Variants in HECTD2 observed in about 807,000 individuals in gnomAD.
HECTD2 encodes the protein HECT domain E3 ubiquitin protein ligase 2.
A neutral mutation model predicts 103.2 loss-of-function variants in HECTD2; 35 were observed. The observed-to-expected ratio is 0.34, with a 90% confidence interval of 0.26 to 0.45. HECTD2 has a LOEUF of 0.45. Ranked by LOEUF, HECTD2 falls within the 20% of genes least tolerant of loss-of-function variation. The pLI is 1.00. For missense variants in HECTD2, 596 were observed against 937.4 expected, an observed-to-expected ratio of 0.64 and a Z score of 4.76; for synonymous variants, 281 against 329.9, an observed-to-expected ratio of 0.85 and a Z score of 1.61.
chr10:91,424,613 T>G (rs1282401698), intron 1 of HECTD2, among the ~76,000 whole-genome samples: 1 of 152,122 alleles, frequency 6.6e-6, no homozygotes, highest in East Asian at 1.9e-4. Context: ...AAATACTGAT[T>G]AATTAAATAA....
At chr10:91,481,282 G>T (rs1210212582) in intron 7 of HECTD2, 143 bp downstream of exon 7, 3 of 406,756 alleles carry the variant, frequency 7.4e-6, no homozygotes, top group Admixed American at 4.4e-5. Context: ...GTAACCAGAA[G>T]ATTTTTTTTA....
chr10:91,487,701 C>T lies in HECTD2; in HGVS notation c.1114C>T (p.Pro372Ser). 1 of 1,610,494 alleles carries T rather than the reference C, an allele frequency of 6.2e-7. No homozygotes were observed. Among genetic ancestry groups the T allele is most frequent in the Non-Finnish European group, 8.5e-7 (1 of 1,177,336 alleles). The change falls in exon 11 of 21, where the codon CCA becomes TCA. Residue 372 changes from proline to serine, a missense_variant. By Grantham distance (74) the Pro-to-Ser change is moderately conservative. This residue lies in a region of HECTD2 where 303 missense variants were observed against 522.5 expected (regional missense o/e 0.58). Transcript: ENST00000298068. The surrounding 1 kb of genome is among the most constrained non-coding windows in gnomAD (Gnocchi z 4.1). ...GAGCAGGTTTTCCTTCTGTCAGTAC[C>T]CATTCGTTATTTCTGTAGCTGCAAA... Reference protein sequence around the residue: ...NSHRFSFCQYPFVISVAAKKI... With the variant: ...NSHRFSFCQYSFVISVAAKKI...
chr10:91,474,788 G>A (rs1845846309), intron 5 of HECTD2, among the ~76,000 whole-genome samples: 1 of 152,236 alleles, frequency 6.6e-6, no homozygotes, highest in South Asian at 2.1e-4. Flanking sequence ...ATACTGATAA[G>A]TGCTTCGAGA....
chr10:91,481,294 A>G (rs573979014), intron 7 of HECTD2, among the ~76,000 whole-genome samples, 155 bp downstream of exon 7: 1 of 151,938 alleles, frequency 6.6e-6, no homozygotes, highest in Non-Finnish European at 1.5e-5. Context: ...TTTTTTTTAA[A>G]GTAGGATTAA....
intron 2 of HECTD2, 130 bp from the exon 3 acceptor site, chr10:91,460,297 C>CT (rs1185870544): frequency 2.4e-6 from 2 of 850,062 alleles, no homozygotes; most frequent in Admixed American, 2.8e-5. Context: ...GTTGGTTTTT[C>CT]TTTAATCTCA....
In HECTD2 at chr10:91,513,185, T is replaced by G. The variant is rs375546547; in HGVS notation, c.*801T>G. On this transcript the variant is annotated 3_prime_UTR_variant, in exon 21 of 21. Transcript: ENST00000298068. ...TCTGTAATATTTGTATAATGATCAT[T>G]TCTTCTTAAGGCTCAAGATATTAGA... The G allele has an allele frequency of 2.2e-3, 339 of 152,746 alleles. 2 individuals are homozygous for G. Among genetic ancestry groups the G allele is most frequent in the South Asian group, 0.012 (59 of 4,826 alleles). 9.5% of individuals were successfully genotyped at this position (152,746 alleles called of 1,614,324 possible). A position where few individuals can be genotyped will look rare whatever the true frequency, so the allele number is the denominator to read the frequency against.
intron 2 of HECTD2, among the ~76,000 whole-genome samples, chr10:91,434,628 C>CTT (rs58548755): frequency 8.4e-4 from 127 of 151,744 alleles, no homozygotes; most frequent in African/African-American, 2.9e-3. Flanking sequence ...TTTTGTTCTT[C>CTT]TTTTTTTGGG....
At position 91,512,505 on chromosome 10, in the gene HECTD2, T is replaced by TAAG; in HGVS notation, c.*122_*124dup. 1 of 934,672 alleles carries TAAG rather than the reference T, an allele frequency of 1.1e-6. No homozygotes were observed. The highest frequency in any genetic ancestry group is 2.0e-5 in the South Asian group (1 of 49,228). The allele number at this position is 934,672 out of a possible 1,614,324, so 57.9% of individuals were successfully genotyped here. A position where few individuals can be genotyped will look rare whatever the true frequency, so the allele number is the denominator to read the frequency against. On this transcript the variant is annotated 3_prime_UTR_variant, in exon 21 of 21. Transcript: ENST00000298068. ...ACAAAGCTCACCAACTTTAAAATAT[T>TAAG]AAGTTTTTAAAAAATCAAATATGAA...
intron 2 of HECTD2, among the ~76,000 whole-genome samples, chr10:91,438,626 G>C (rs1337559313): frequency 6.6e-6 from 1 of 152,074 alleles, no homozygotes; most frequent in South Asian, 2.1e-4. Flanking sequence ...TGGTATTTCT[G>C]GTTGTAGATC....
chr10:91,462,207 A>G, intron 5 of HECTD2, 23 bp downstream of exon 5: 1 of 1,558,182 alleles, frequency 6.4e-7, no homozygotes, highest in Non-Finnish European at 8.7e-7. Flanking sequence ...ACATGCAAGT[A>G]ATATTATTCT....
intron 2 of HECTD2, among the ~76,000 whole-genome samples, chr10:91,455,826 G>C (rs1377000563): frequency 6.6e-6 from 1 of 152,122 alleles, no homozygotes; most frequent in Non-Finnish European, 1.5e-5. Flanking sequence ...TTATTAAATA[G>C]GGAATCCTTT....
At chr10:91,410,720 T>C (rs2132946155) in intron 1 of HECTD2, 144 bp downstream of exon 1, 1 of 733,568 alleles carries the variant, frequency 1.4e-6, no homozygotes, top group East Asian at 3.5e-5. Flanking sequence ...CGCCCTTCCT[T>C]GGGCAGAAAT....
Position 91,460,543 on chromosome 10 carries a change from C to A in HECTD2, c.385C>A (p.Pro129Thr). 6.2e-7 allele frequency: 1 copy of A among 1,610,264 alleles called. No homozygotes were observed. Among genetic ancestry groups the A allele is most frequent in the Non-Finnish European group, 8.5e-7 (1 of 1,178,590 alleles). ...TCCAGAACCTATTCTTCCTATCCAG[C>A]CCAAAACTGTGAAAGACTTTCAGTA... ...VLPEPILPIQ[P>T]KTVKDFQEDV... The change falls in exon 3 of 21, where the codon CCC becomes ACC. Residue 129 changes from proline to threonine, a missense_variant. Physicochemically the swap from Pro to Thr is conservative, Grantham distance 38. This residue lies in a region of HECTD2 where 220 missense variants were observed against 233.9 expected (regional missense o/e 0.94). Coordinates refer to ENST00000298068, the MANE Select transcript of HECTD2 (RefSeq NM_182765.6).
At chr10:91,422,402 T>A (rs957687270) in intron 1 of HECTD2, among the ~76,000 whole-genome samples, 1 of 152,162 alleles carries the variant, frequency 6.6e-6, no homozygotes, top group African/African-American at 2.4e-5. Flanking sequence ...GAGGGACCAT[T>A]TATTATACAA....
Position 91,503,225 on chromosome 10 carries a change from G to C in HECTD2, c.2210+1891G>C, listed in dbSNP as rs557731878. On this transcript the variant is annotated intron_variant, in intron 20 of 20. Coordinates refer to ENST00000298068, the MANE Select transcript of HECTD2 (RefSeq NM_182765.6). ...CCACAATGAGATACCATCTCACAGC[G>C]GTCAGAATGGCTATTGTTATATTAA... Among the ~76,000 whole-genome samples, 5 of 152,116 alleles carry C rather than the reference G, an allele frequency of 3.3e-5. No homozygotes were observed. In the East Asian group the frequency reaches 9.6e-4, roughly 29 times the overall value.
At chr10:91,451,103 A>G (rs990187542) in intron 2 of HECTD2, among the ~76,000 whole-genome samples, 5 of 152,192 alleles carry the variant, frequency 3.3e-5, no homozygotes, top group Non-Finnish European at 7.4e-5. Context: ...TCACAACAGC[A>G]AAGACTGGGA....
At chr10:91,437,760 C>A (rs1250942431) in intron 2 of HECTD2, among the ~76,000 whole-genome samples, 1 of 150,692 alleles carries the variant, frequency 6.6e-6, no homozygotes, top group Non-Finnish European at 1.5e-5. Flanking sequence ...TTCCATACTT[C>A]CTGAATTTCT....
chr10:91,413,601 A>G (rs975470489), intron 1 of HECTD2, among the ~76,000 whole-genome samples: 1 of 152,308 alleles, frequency 6.6e-6, no homozygotes, highest in Middle Eastern at 3.4e-3. Flanking sequence ...CAAGATTGAA[A>G]CTTGACACTC....
rs764376822 is a variant in HECTD2, at chr10:91,478,198, C to CA, written c.601-2dup. The CA allele has an allele frequency of 1.2e-6, 2 of 1,603,562 alleles. No individual in the cohort carries two copies. The highest frequency in any genetic ancestry group is 2.7e-5 in the African/African-American group (2 of 74,804). On this transcript the variant is annotated splice_region_variant and splice_polypyrimidine_tract_variant and intron_variant, in intron 5 of 20. Coordinates refer to ENST00000298068, the MANE Select transcript of HECTD2 (RefSeq NM_182765.6). ...TTACCTTACTGTTTTCTTTTGCCTA[C>CA]AGCCTCAAGACGTTCAGAAGACAGT... is the stretch of plus-strand genomic sequence containing the variant.
Sources: allele counts gnomAD v4.1 joint callset (sites outside exome capture counted in the v4.1 genomes callset), GRCh38; gene constraint gnomAD v4.1.1; regional missense constraint gnomAD v4.1.1; non-coding constraint Gnocchi (gnomAD v3.1); transcripts MANE v1.5; gene names NCBI Gene and HGNC (gene_info 2026-07-23, HGNC 2026-07-21).